Variants in SLC25A26 observed in about 807,000 individuals in gnomAD.
SLC25A26 encodes solute carrier family 25 member 26.
Under a neutral mutation model 37.8 loss-of-function variants are expected in SLC25A26, and 36 were observed. The observed-to-expected ratio is 0.95, with a 90% confidence interval of 0.73 to 1.26. The LOEUF (loss-of-function observed/expected upper bound fraction) is 1.26. Among genes scored for constraint, SLC25A26 ranks in the 50% most tolerant of loss-of-function variants. The probability of loss-of-function intolerance (pLI) is 0.00; values close to 1 mark genes in which losing one functional copy is unlikely to be tolerated. For synonymous variants in SLC25A26, 129 were observed against 122.5 expected (o/e 1.05, Z -0.35); for missense variants, 390 against 331.1 (o/e 1.18, Z -1.38).
intron 5 of SLC25A26, chr3:66,304,557 C>T (rs1559678128): frequency 6.8e-6 from 3 of 442,996 alleles, no homozygotes; most frequent in African/African-American, 4.1e-5. Context: ...GTAACAACCC[C>T]TGATTGCTGA....
intron 1 of SLC25A26, among the ~76,000 whole-genome samples, chr3:66,221,613 C>G (rs36197457): frequency 0.1 from 15,507 of 151,808 alleles, 1,667 homozygotes; most frequent in African/African-American, 0.25. Flanking sequence ...TCTGCTATTT[C>G]TGCTCCAAGC....
intron 1 of SLC25A26, among the ~76,000 whole-genome samples, chr3:66,168,200 T>C (rs547630330): frequency 0.02 from 2,347 of 115,284 alleles, 55 homozygotes; most frequent in African/African-American, 0.06. Flanking sequence ...TATATATATA[T>C]ACACACACAC....
rs181361593 is a variant in SLC25A26 at position 66,331,758 on chromosome 3, A to G, written c.454-14606A>G. 1.4e-4 allele frequency among the ~76,000 whole-genome samples: 21 copies of G among 152,212 alleles called. No homozygotes were observed. The East Asian group carries it at 3.5e-3, about 25-fold the overall frequency. Reference sequence around the variant, plus strand: ...TTTCCCTGTACTCAGAAATGTTTATATGCCATTATTTAAAAATAAAACATG... The same window carrying G: ...TTTCCCTGTACTCAGAAATGTTTATGTGCCATTATTTAAAAATAAAACATG... On this transcript the variant is annotated intron_variant, in intron 5 of 9. Transcript: ENST00000354883.
chr3:66,325,730 C>T (rs910179193), intron 5 of SLC25A26, among the ~76,000 whole-genome samples: 3 of 152,118 alleles, frequency 2.0e-5, no homozygotes, highest in African/African-American at 4.8e-5. Context: ...AAGGAGGGCC[C>T]GGTTATGGGA....
rs868206877 is a variant in SLC25A26, at chr3:66,171,019, G to T, written c.-354+37035G>T. Among the ~76,000 whole-genome samples the T allele has an allele frequency of 4.0e-5, 6 of 151,500 alleles. No individual in the cohort carries two copies. The South Asian group carries it at 1.0e-3, about 26-fold the overall frequency. On this transcript the variant is annotated intron_variant, in intron 1 of 10. Transcript: ENST00000676754. ...GGGGTTTCACCGTTTTAGCCGGGATGGTCTCGATCTCCTGACCTCGTGATC... is the reference window on the plus strand; with the variant it reads ...GGGGTTTCACCGTTTTAGCCGGGATTGTCTCGATCTCCTGACCTCGTGATC...
Position 66,287,295 on chromosome 3 carries a change from C to CA in SLC25A26, c.453+23934dup, listed in dbSNP as rs532447022. 7.1e-3 allele frequency among the ~76,000 whole-genome samples: 656 copies of CA among 92,072 alleles called. 3 individuals are homozygous for CA. The highest frequency in any genetic ancestry group is 0.036 in the Middle Eastern group (6 of 166). The allele number at this position is 92,072 out of a possible 152,430, so 60.4% of individuals were successfully genotyped here. On this transcript the variant is annotated intron_variant, in intron 5 of 9. Transcript: ENST00000354883. ...TGGGCGACAGAGCGAGACTCCGTCTCAAAAAAAAAAAAAAAAAATCTCAAA... is the reference window on the plus strand; with the variant it reads ...TGGGCGACAGAGCGAGACTCCGTCTCAAAAAAAAAAAAAAAAAAATCTCAAA...
intron 1 of SLC25A26, among the ~76,000 whole-genome samples, chr3:66,231,632 C>G (rs2072036604): frequency 6.6e-6 from 1 of 152,030 alleles, no homozygotes; most frequent in African/African-American, 2.4e-5. Flanking sequence ...TTCCAGACTT[C>G]TAATTATGCA....
rs1368324795 is a variant in SLC25A26, at chr3:66,196,771, A to G, written c.-353-23971A>G. ...ATTCTTATACCCTATATAATCAACC[A>G]TCTACATTAATTATTATCTTGAATT... On this transcript the variant is annotated intron_variant, in intron 1 of 10. Transcript: ENST00000676754. Among the ~76,000 whole-genome samples the G allele has an allele frequency of 2.0e-5, 3 of 152,188 alleles. No homozygotes were observed. The East Asian group carries it at 5.8e-4, about 29-fold the overall frequency.
intron 1 of SLC25A26, among the ~76,000 whole-genome samples, chr3:66,183,330 C>G (rs1011397341): frequency 6.6e-6 from 1 of 152,128 alleles, no homozygotes; most frequent in Non-Finnish European, 1.5e-5. Flanking sequence ...CACCCAGACT[C>G]TGACCCTGAC....
At chr3:66,160,668 C>T (rs2070344644) in intron 1 of SLC25A26, among the ~76,000 whole-genome samples, 1 of 152,174 alleles carries the variant, frequency 6.6e-6, no homozygotes, top group African/African-American at 2.4e-5. Context: ...GGGATGATGG[C>T]TCATGCCTGT....
At chr3:66,225,302 C>A (rs2071690894) in intron 1 of SLC25A26, among the ~76,000 whole-genome samples, 1 of 152,214 alleles carries the variant, frequency 6.6e-6, no homozygotes, top group Admixed American at 6.5e-5. Context: ...AAGCTCAGTT[C>A]TTGTCTTCTG....
At chr3:66,220,925 C>A (rs535418423), upstream of SLC25A26, 44 of 732,468 alleles carry the variant, frequency 6.0e-5, no homozygotes, top group African/African-American at 6.3e-4. Flanking sequence ...CTCTGGCCCT[C>A]CCCTAGGCCC....
At chr3:66,304,259 G>A (rs2075154407) in intron 5 of SLC25A26, among the ~76,000 whole-genome samples, 1 of 152,188 alleles carries the variant, frequency 6.6e-6, no homozygotes, top group Admixed American at 6.5e-5. Flanking sequence ...CACTGGATGG[G>A]GGAGGATTAT....
intron 5 of SLC25A26, among the ~76,000 whole-genome samples, chr3:66,332,741 G>T (rs896203919): frequency 6.6e-6 from 1 of 151,978 alleles, no homozygotes; most frequent in African/African-American, 2.4e-5. Flanking sequence ...CTATCTAGTG[G>T]AATAGATACA....
At chr3:66,318,603 G>T (rs542597457) in intron 5 of SLC25A26, among the ~76,000 whole-genome samples, 12 of 152,008 alleles carry the variant, frequency 7.9e-5, no homozygotes, top group African/African-American at 2.9e-4. Flanking sequence ...CCACAGAGCA[G>T]AGCTGTTTCT....
intron 6 of SLC25A26, among the ~76,000 whole-genome samples, chr3:66,352,768 T>C (rs2076487966): frequency 6.6e-6 from 1 of 151,970 alleles, no homozygotes; most frequent in African/African-American, 2.4e-5. Flanking sequence ...TCCCTAGGCC[T>C]CTCTCCATCC....
At chr3:66,315,080 AT>A (rs58312800) in intron 5 of SLC25A26, among the ~76,000 whole-genome samples, 19,666 of 119,028 alleles carry the variant, frequency 0.17, 1,453 homozygotes, top group East Asian at 0.58. Flanking sequence ...GGATTCTTTG[AT>A]TTTTTTTTTT....
At chr3:66,138,257 C>T (rs953096152) in intron 1 of SLC25A26, among the ~76,000 whole-genome samples, 35 of 152,074 alleles carry the variant, frequency 2.3e-4, no homozygotes, top group African/African-American at 7.0e-4. Context: ...ATGTATACAT[C>T]GTATACAATG....
At chr3:66,371,151 G>A (rs1157285710) in intron 9 of SLC25A26, 10 of 1,429,316 alleles carry the variant, frequency 7.0e-6, no homozygotes, top group Middle Eastern at 1.8e-4. Context: ...TTGTGAAGCC[G>A]CCTGAATGTT....
Sources: allele counts gnomAD v4.1 joint callset (sites outside exome capture counted in the v4.1 genomes callset), GRCh38; gene constraint gnomAD v4.1.1; transcripts MANE v1.5; gene names NCBI Gene and HGNC (gene_info 2026-07-23, HGNC 2026-07-21).